PRSS53: variants seen among roughly 807,000 people sequenced by gnomAD.
PRSS53 encodes serine protease 53, also known as EDTP308.
PRSS53 carries 54 observed loss-of-function variants against 62.7 expected under a neutral mutation model. That is an observed-to-expected ratio of 0.86 (90% CI 0.69 to 1.08). PRSS53 has a LOEUF of 1.08. Among genes scored for constraint, PRSS53 ranks in the 50% least tolerant of loss-of-function variants. PRSS53 has a pLI of 0.00. For synonymous variants in PRSS53, 273 were observed against 300.0 expected (o/e 0.91, Z 0.93); for missense variants, 688 against 728.3 (o/e 0.94, Z 0.64).
At chr16:31,084,119 T>A in exon 10 of PRSS53, 2 of 1,573,250 alleles carry the variant, frequency 1.3e-6, no homozygotes, top group Non-Finnish European at 1.7e-6. Flanking sequence ...GGCCACATAC[T>A]TATGTTGGCC....
At chr16:31,085,835 C>T in intron 6 of PRSS53, 129 bp downstream of exon 6, 2 of 816,134 alleles carry the variant, frequency 2.5e-6, no homozygotes, top group South Asian at 3.2e-5. Flanking sequence ...CAGGGCTGTT[C>T]CCATCCCAGG....
At chr16:31,086,773 T>C in exon 4 of PRSS53, 1 of 1,613,064 alleles carries the variant, frequency 6.2e-7, no homozygotes, top group Non-Finnish European at 8.5e-7. Flanking sequence ...GCCCTGGCTG[T>C]AGTGGTTATA....
rs753525891 is a variant in PRSS53 at position 31,087,803 on chromosome 16, T to TA, written c.79+2dup. 122 of 1,613,860 alleles carry TA rather than the reference T, an allele frequency of 7.6e-5. No individual in the cohort carries two copies. Among genetic ancestry groups the TA allele is most frequent in the Admixed American group, 1.7e-5 (1 of 59,996 alleles). On this transcript the variant is annotated splice_region_variant and intron_variant, in intron 2 of 10. Transcript: ENST00000280606. ...ACCTAGGCCCCGTGTCCCCAGACCT[T>TA]ACCACGCTGAGCGGCTTGAAGACCT...
intron 1 of PRSS53, 131 bp downstream of exon 1, chr16:31,088,621 G>T: frequency 6.5e-7 from 1 of 1,528,366 alleles, no homozygotes; most frequent in Non-Finnish European, 8.8e-7. Flanking sequence ...AGAGTCCTAC[G>T]GAGTTACATC....
At chr16:31,088,404 G>A (rs1272265216) in intron 1 of PRSS53, 1 of 1,184,078 alleles carries the variant, frequency 8.4e-7, no homozygotes, top group East Asian at 4.9e-5. Context: ...CTGCCCAGAG[G>A]ATGGATGAAA....
exon 11 of PRSS53, chr16:31,083,501 T>G: frequency 7.5e-7 from 1 of 1,331,740 alleles, no homozygotes; most frequent in Non-Finnish European, 9.6e-7. Flanking sequence ...AAAAAAGAAA[T>G]TTTCAAAACA....
chr16:31,084,486 G>A lies in PRSS53; in HGVS notation c.1425+72C>T, dbSNP rs80152592. 1.1e-4 allele frequency: 174 copies of A among 1,535,912 alleles called. No individual in the cohort carries two copies. In the African/African-American group the frequency reaches 2.3e-3, roughly 20 times the overall value. The stretch of plus-strand genomic sequence containing the variant: ...TGGGTCCAGAGGCCAAGCCTGGAAG[G>A]TCCGTTCTTGAGCTATTGGGTGAGG... On this transcript the variant is annotated intron_variant, in intron 9 of 10. Transcript: ENST00000280606.
At chr16:31,083,859 T>TCCCA in intron 10 of PRSS53, 50 bp from the exon 11 acceptor site, 3 of 1,590,056 alleles carry the variant, frequency 1.9e-6, no homozygotes, top group Non-Finnish European at 2.6e-6. Flanking sequence ...ACGGCTTTGG[T>TCCCA]CCCTCCCTCC....
chr16:31,085,989 C>T lies in PRSS53; in HGVS notation c.858G>A (p.Glu286=), dbSNP rs377128856. ...CTACACAGCTGTCCTCATCACTCAT[C>T]TCCGGGGTCTCTGGGCTCTGGGCCA... is the stretch of plus-strand genomic sequence containing the variant. Residue 286 remains glutamate, a synonymous_variant, in exon 6 of 11, where the codon GAG becomes GAA. Transcript: ENST00000280606. The T allele has an allele frequency of 2.3e-5, 37 of 1,613,984 alleles. No individual in the cohort carries two copies. The African/African-American group carries it at 3.2e-4, about 14-fold the overall frequency.
At chr16:31,087,400 G>A (rs2057245397) in intron 3 of PRSS53, 137 bp downstream of exon 3, 1 of 656,696 alleles carries the variant, frequency 1.5e-6, no homozygotes, top group East Asian at 2.8e-5. Flanking sequence ...TTGACAATAT[G>A]TACCCAGTAC....
chr16:31,083,487 C>T, exon 11 of PRSS53: 2 of 1,325,362 alleles, frequency 1.5e-6, no homozygotes, highest in South Asian at 4.2e-5. Context: ...ACTGCTGCCC[C>T]CCAAAAAAAG....
At chr16:31,084,811 G>A in exon 8 of PRSS53, 1 of 1,541,222 alleles carries the variant, frequency 6.5e-7, no homozygotes, top group Non-Finnish European at 8.8e-7. Flanking sequence ...CCAGAACCCA[G>A]CCACGCTCCC....
At chr16:31,083,547 G>A (rs900518478) in exon 11 of PRSS53, 3 of 1,426,072 alleles carry the variant, frequency 2.1e-6, no homozygotes, top group African/African-American at 1.4e-5. Context: ...AAGGGTAAAG[G>A]AGGAGGAAAG....
intron 4 of PRSS53, 69 bp from the exon 5 acceptor site, chr16:31,086,560 C>T: frequency 6.4e-7 from 1 of 1,564,650 alleles, no homozygotes; most frequent in Non-Finnish European, 8.7e-7. Context: ...GAAGCCAGGA[C>T]AGTTGGGAGC....
intron 6 of PRSS53, 46 bp from the exon 7 acceptor site, chr16:31,085,306 C>T: frequency 1.3e-6 from 2 of 1,483,338 alleles, no homozygotes; most frequent in South Asian, 2.8e-5. Flanking sequence ...AAGCACTTCC[C>T]ACTTCCCATC....
exon 9 of PRSS53, chr16:31,084,564 G>A: frequency 6.2e-7 from 1 of 1,604,086 alleles, no homozygotes; most frequent in Non-Finnish European, 8.5e-7. Context: ...TCACCTCACA[G>A]CTGGGCAGCT....
chr16:31,084,293 A>T, exon 10 of PRSS53: 1 of 1,613,028 alleles, frequency 6.2e-7, no homozygotes, highest in Non-Finnish European at 8.5e-7. Flanking sequence ...GCCAGGAACC[A>T]TGTGCCCCTC....
In PRSS53 at chr16:31,084,342, G is replaced by A; in HGVS notation, c.1426-7C>T. 6.2e-7 allele frequency: 1 copy of A among 1,608,696 alleles called. No individual in the cohort carries two copies. The highest frequency in any genetic ancestry group is 1.1e-5 in the South Asian group (1 of 90,208). ...GTGGTGCCCCAGACAGGCCCTGTCA[G>A]GGGTCAGGTGACACTGGGTGACTTT... is the stretch of plus-strand genomic sequence containing the variant. On this transcript the variant is annotated splice_region_variant and splice_polypyrimidine_tract_variant and intron_variant, in intron 9 of 10. Transcript: ENST00000280606.
At chr16:31,084,944 C>T (rs1400780923) in exon 8 of PRSS53, 3 of 1,548,606 alleles carry the variant, frequency 1.9e-6, no homozygotes, top group South Asian at 1.2e-5. Flanking sequence ...GGTGTAGGCT[C>T]CATGCAGGAT....
Sources: allele counts gnomAD v4.1 joint callset, GRCh38; gene constraint gnomAD v4.1.1; transcripts MANE v1.5; gene names NCBI Gene and HGNC (gene_info 2026-07-23, HGNC 2026-07-21).